IGF1R: variants seen among roughly 807,000 people sequenced by gnomAD.
The protein encoded by IGF1R is insulin-like growth factor 1 receptor.
Under a neutral mutation model 144.6 loss-of-function variants are expected in IGF1R, and 44 were observed. The ratio of observed to expected loss-of-function variants is 0.30; its 90% CI spans 0.24 to 0.39. The LOEUF (loss-of-function observed/expected upper bound fraction) is 0.39. IGF1R is among the 10% of genes least tolerant of loss of function. The pLI, the probability that IGF1R is intolerant of heterozygous loss-of-function variation, is 1.00. For missense variants in IGF1R, 1,355 were observed against 1,833.7 expected, an observed-to-expected ratio of 0.74 and a Z score of 4.77; for synonymous variants, 795 against 722.8, an observed-to-expected ratio of 1.10 and a Z score of -1.60.
At position 98,948,713 on chromosome 15, in the gene IGF1R, G is replaced by C. The variant is rs2016652547; in HGVS notation, c.3722+5G>C. The C allele has an allele frequency of 6.2e-7, 1 of 1,614,010 alleles. No individual in the cohort carries two copies. The highest frequency in any genetic ancestry group is 1.3e-5 in the African/African-American group (1 of 75,044). On this transcript the variant is annotated splice_donor_5th_base_variant and intron_variant, in intron 20 of 20. Coordinates refer to ENST00000650285, the MANE Select transcript of IGF1R (RefSeq NM_000875.5). The stretch of plus-strand genomic sequence containing the variant: ...AGACAACTGTCCTGACATGCTGTAC[G>C]TACTTCCTGGGCCCTCCGTGCTCTT...
In IGF1R at chr15:98,891,557, C is replaced by G; in HGVS notation, c.873C>G (p.Ser291Arg). Residue 291 changes from serine to arginine, a missense_variant, in exon 3 of 21, where the codon AGC becomes AGG. Physicochemically the swap from Ser to Arg is moderately radical, Grantham distance 110. Around this residue, in one of 7 missense-constraint regions of IGF1R, gnomAD observed 880 missense variants for 1,202.7 expected, o/e 0.73. Coordinates refer to ENST00000650285, the MANE Select transcript of IGF1R (RefSeq NM_000875.5). This position sits in a 1 kb window ranked among gnomAD's most constrained non-coding sequence, Gnocchi z 4.7. ...CCAACATCCTCAGCGCCGAGAGCAG[C>G]GACTCCGAGGGGTTTGTGATCCACG... is the stretch of plus-strand genomic sequence containing the variant. ...FCANILSAES[S>R]DSEGFVIHDG... The G allele has an allele frequency of 1.9e-6, 3 of 1,609,894 alleles. No homozygotes were observed. The highest frequency in any genetic ancestry group is 2.5e-6 in the Non-Finnish European group (3 of 1,180,002).
intron 2 of IGF1R, among the ~76,000 whole-genome samples, chr15:98,817,783 T>C (rs1316858730): frequency 6.6e-6 from 1 of 152,228 alleles, no homozygotes; most frequent in Non-Finnish European, 1.5e-5. Flanking sequence ...TCTTCCATAC[T>C]CAAGCTCTGG....
intron 2 of IGF1R, among the ~76,000 whole-genome samples, chr15:98,741,609 G>A (rs2054746936): frequency 6.6e-6 from 1 of 152,146 alleles, no homozygotes; most frequent in South Asian, 2.1e-4. Context: ...TCTGCACGTC[G>A]GGGAACAAGG....
chr15:98,722,643 C>G (rs1395263739), intron 2 of IGF1R, among the ~76,000 whole-genome samples: 3 of 152,122 alleles, frequency 2.0e-5, no homozygotes, highest in African/African-American at 7.2e-5. Context: ...TGAACCCTAC[C>G]CTGGAAGGCT....
intron 1 of IGF1R, among the ~76,000 whole-genome samples, chr15:98,682,834 C>T (rs887613593): frequency 1.3e-5 from 2 of 152,092 alleles, no homozygotes; most frequent in Non-Finnish European, 2.9e-5. Flanking sequence ...GCATGAGCCA[C>T]CACACCTGGC....
At chr15:98,917,057 C>A in intron 10 of IGF1R, 181 bp downstream of exon 10, 1 of 686,632 alleles carries the variant, frequency 1.5e-6, no homozygotes. Context: ...AGCCAGTCAG[C>A]CCTGAAGGGA....
intron 2 of IGF1R, among the ~76,000 whole-genome samples, chr15:98,881,281 C>T (rs141705352): frequency 2.0e-5 from 3 of 152,052 alleles, no homozygotes; most frequent in Non-Finnish European, 4.4e-5. Flanking sequence ...AGATGAACTC[C>T]CATAGCCCCT....
rs1323961496 is a variant in IGF1R, at chr15:98,911,304, C to G, written c.1463-11C>G. On this transcript the variant is annotated splice_polypyrimidine_tract_variant and intron_variant, in intron 6 of 20. Transcript: ENST00000650285. ...AATCTCTGTCACTCACGGATGTACTCTTTGCCCCAGGTGAAAGTGACGTCC... is the reference window on the plus strand; with the variant it reads ...AATCTCTGTCACTCACGGATGTACTGTTTGCCCCAGGTGAAAGTGACGTCC... 2.5e-6 allele frequency: 4 copies of G among 1,614,038 alleles called. No individual in the cohort carries two copies. Among genetic ancestry groups the G allele is most frequent in the Admixed American group, 3.3e-5 (2 of 60,006 alleles).
intron 2 of IGF1R, among the ~76,000 whole-genome samples, chr15:98,866,213 A>T (rs1476765488): frequency 1.3e-5 from 2 of 152,192 alleles, no homozygotes; most frequent in African/African-American, 4.8e-5. Flanking sequence ...TGCCGTCCAC[A>T]GGAAGACGCC....
In IGF1R at chr15:98,930,438, A is replaced by T; in HGVS notation, c.2956+133A>T. 4.7e-6 allele frequency: 3 copies of T among 636,768 alleles called. No homozygotes were observed. The South Asian group carries it at 5.3e-5, about 11-fold the overall frequency. 39.4% of individuals were successfully genotyped at this position (636,768 alleles called of 1,614,324 possible). A position where few individuals can be genotyped will look rare whatever the true frequency, so the allele number is the denominator to read the frequency against. ...TACCTTTGGCCTTGGATCTGTCTTC[A>T]TTAATATTTCTTTCTTTCTTTTTTT... On this transcript the variant is annotated intron_variant, in intron 15 of 20. Coordinates refer to ENST00000650285, the MANE Select transcript of IGF1R (RefSeq NM_000875.5).
chr15:98,788,624 A>T (rs1478150276), intron 2 of IGF1R, among the ~76,000 whole-genome samples: 1 of 152,180 alleles, frequency 6.6e-6, no homozygotes, highest in Non-Finnish European at 1.5e-5. Flanking sequence ...CAAGTTTGCA[A>T]ACGGTCTATA....
chr15:98,795,306 A>G (rs2056213962), intron 2 of IGF1R, among the ~76,000 whole-genome samples: 1 of 152,256 alleles, frequency 6.6e-6, no homozygotes, highest in Non-Finnish European at 1.5e-5. Flanking sequence ...AAATTCATGT[A>G]TTTTTTTGGT....
intron 1 of IGF1R, among the ~76,000 whole-genome samples, chr15:98,688,351 C>A (rs74822742): frequency 2.2e-5 from 3 of 139,362 alleles, no homozygotes; most frequent in Admixed American, 7.0e-5. Context: ...TCACTTCCCC[C>A]CACACTCTCT....
Position 98,930,136 on chromosome 15 carries a change from TGA to T in IGF1R, c.2886-93_2886-92del, listed in dbSNP as rs1428550240. 2.6e-5 allele frequency: 22 copies of T among 834,650 alleles called. No homozygotes were observed. In the African/African-American group the frequency reaches 3.0e-4, roughly 11 times the overall value. 51.7% of individuals were successfully genotyped at this position (834,650 alleles called of 1,614,324 possible). A position where few individuals can be genotyped will look rare whatever the true frequency, so the allele number is the denominator to read the frequency against. On this transcript the variant is annotated intron_variant, in intron 14 of 20. Coordinates refer to ENST00000650285, the MANE Select transcript of IGF1R (RefSeq NM_000875.5). ...CTCCCCATTCTGTTCTGATACCGTG[TGA>T]GAGAGGATAAATGAAACTGTTGTAG...
At chr15:98,850,368 T>G (rs1020085094) in intron 2 of IGF1R, among the ~76,000 whole-genome samples, 16 of 152,168 alleles carry the variant, frequency 1.1e-4, no homozygotes, top group Non-Finnish European at 2.1e-4. Flanking sequence ...AGAGACAAGC[T>G]GGAAACAGCA....
chr15:98,688,324 CCTCCT>C (rs1160716263), intron 1 of IGF1R, among the ~76,000 whole-genome samples: 2 of 126,630 alleles, frequency 1.6e-5, no homozygotes, highest in East Asian at 4.8e-4. Flanking sequence ...TCCCACTCTC[CCTCCT>C]CTCTCTGCCT....
chr15:98,880,726 A>C (rs1361847117), intron 2 of IGF1R: 1 of 152,250 alleles, frequency 6.6e-6, no homozygotes, highest in Non-Finnish European at 1.5e-5. Flanking sequence ...CTTGATGCCC[A>C]TGGGGGATTT....
intron 6 of IGF1R, 52 bp from the exon 7 acceptor site, chr15:98,911,263 T>A: frequency 6.2e-7 from 1 of 1,612,288 alleles, no homozygotes; most frequent in Non-Finnish European, 8.5e-7. Flanking sequence ...AGACAGGTGC[T>A]TTTCAGAGAC....
At position 98,916,724 on chromosome 15, in the gene IGF1R, C is replaced by G. The variant is rs767775248; in HGVS notation, c.2049C>G (p.Val683=). Reference sequence around the variant, plus strand: ...ACGGCACCATCGACATTGAGGAGGTCACAGAGAACCCCAAGACTGAGGTGT... The same window carrying G: ...ACGGCACCATCGACATTGAGGAGGTGACAGAGAACCCCAAGACTGAGGTGT... ...YADGTIDIEE[V]TENPKTEVCG... Residue 683 remains valine, a synonymous_variant, in exon 10 of 21, where the codon GTC becomes GTG. Coordinates refer to ENST00000650285, the MANE Select transcript of IGF1R (RefSeq NM_000875.5). 1.9e-6 allele frequency: 3 copies of G among 1,614,084 alleles called. No homozygotes were observed. Among genetic ancestry groups the G allele is most frequent in the Non-Finnish European group, 2.5e-6 (3 of 1,180,018 alleles).
Sources: gnomAD v4.1 joint callset for allele counts (sites outside exome capture counted in the v4.1 genomes callset) on GRCh38, gnomAD v4.1.1 for gene constraint, gnomAD v4.1.1 regional missense constraint, Gnocchi (gnomAD v3.1) non-coding constraint, MANE v1.5 for transcripts, NCBI Gene and HGNC (gene_info 2026-07-23, HGNC 2026-07-21) for gene names.